Variants in GALNT13 observed in about 807,000 individuals in gnomAD.
GALNT13 encodes the protein UDP-GalNAc:polypeptide N-acetylgalactosaminyltransferase 13.
GALNT13 carries 28 observed loss-of-function variants against 64.2 expected under a neutral mutation model. The observed-to-expected ratio is 0.44, with a 90% CI of 0.32 to 0.60. GALNT13 has a LOEUF of 0.60. GALNT13 is among the 20% of genes least tolerant of loss of function. GALNT13 has a pLI of 0.05. For missense variants in GALNT13, 577 were observed against 669.8 expected, an observed-to-expected ratio of 0.86 and a Z score of 1.53; for synonymous variants, 214 against 224.6, an observed-to-expected ratio of 0.95 and a Z score of 0.42.
the GALNT13 span, among the ~76,000 whole-genome samples, chr2:153,249,523 C>A: frequency 6.6e-6 from 1 of 152,162 alleles, no homozygotes; most frequent in East Asian, 1.9e-4. Flanking sequence ...TTAGAAAAAA[C>A]TACTTTAAAT....
At chr2:153,516,449 G>T in the GALNT13 span, among the ~76,000 whole-genome samples, 1 of 152,154 alleles carries the variant, frequency 6.6e-6, no homozygotes, top group African/African-American at 2.4e-5. Context: ...GTTAGATTTT[G>T]ATAGGAATAA....
chr2:154,132,947 A>C (rs988772515), intron 3 of GALNT13, among the ~76,000 whole-genome samples: 1 of 152,062 alleles, frequency 6.6e-6, no homozygotes, highest in South Asian at 2.1e-4. Flanking sequence ...AAATCTATAT[A>C]TGTTTTAGAA....
the GALNT13 span, among the ~76,000 whole-genome samples, chr2:153,280,385 G>A: frequency 1.3e-5 from 2 of 152,006 alleles, no homozygotes; most frequent in African/African-American, 4.8e-5. Context: ...TCTGGTTTTA[G>A]TTATTTCTTT....
the GALNT13 span, among the ~76,000 whole-genome samples, chr2:153,469,798 T>C: frequency 6.6e-6 from 1 of 152,194 alleles, no homozygotes; most frequent in Non-Finnish European, 1.5e-5. Flanking sequence ...CTTTTTAACA[T>C]AAAATTTACC....
the GALNT13 span, among the ~76,000 whole-genome samples, chr2:153,541,245 C>T: frequency 6.6e-6 from 1 of 152,144 alleles, no homozygotes; most frequent in East Asian, 1.9e-4. Flanking sequence ...CTCTGCACTT[C>T]TCCTTCCTGC....
At chr2:153,608,718 A>G in the GALNT13 span, among the ~76,000 whole-genome samples, 1 of 147,824 alleles carries the variant, frequency 6.8e-6, no homozygotes, top group African/African-American at 2.5e-5. Context: ...ATAAATATGT[A>G]AATATATGTA....
At chr2:154,045,305 G>T (rs578012023) in intron 3 of GALNT13, among the ~76,000 whole-genome samples, 1 of 152,278 alleles carries the variant, frequency 6.6e-6, no homozygotes. Flanking sequence ...TGGTTACTGT[G>T]GTTGGAAGAT....
chr2:153,097,018 A>G, the GALNT13 span, among the ~76,000 whole-genome samples: 3 of 151,082 alleles, frequency 2.0e-5, no homozygotes, highest in Non-Finnish European at 4.4e-5. Context: ...TTTGCTTTTT[A>G]TCTGTTGTGT....
At chr2:153,770,484 C>T in the GALNT13 span, among the ~76,000 whole-genome samples, 1 of 152,198 alleles carries the variant, frequency 6.6e-6, no homozygotes, top group African/African-American at 2.4e-5. Context: ...GGAAGCTTAT[C>T]TTGCTACCCA....
chr2:153,729,465 G>A, the GALNT13 span, among the ~76,000 whole-genome samples: 1 of 151,968 alleles, frequency 6.6e-6, no homozygotes, highest in Non-Finnish European at 1.5e-5. Context: ...AGAAATACTT[G>A]CCTATTCCAT....
chr2:154,378,505 T>C (rs1698105681), intron 9 of GALNT13, among the ~76,000 whole-genome samples: 1 of 152,168 alleles, frequency 6.6e-6, no homozygotes, highest in South Asian at 2.1e-4. Context: ...AGTTTACACA[T>C]GCACAGAATT....
At chr2:154,296,592 A>G (rs1160357115) in intron 8 of GALNT13, among the ~76,000 whole-genome samples, 1 of 152,136 alleles carries the variant, frequency 6.6e-6, no homozygotes, top group Non-Finnish European at 1.5e-5. Flanking sequence ...AAATTGGAGC[A>G]CCTTTCCTGG....
At chr2:153,606,684 C>T in the GALNT13 span, among the ~76,000 whole-genome samples, 1 of 151,926 alleles carries the variant, frequency 6.6e-6, no homozygotes, top group African/African-American at 2.4e-5. Flanking sequence ...AATGAATTTC[C>T]CATTTTGAAA....
chr2:154,170,763 T>G (rs67410380), intron 4 of GALNT13, among the ~76,000 whole-genome samples: 7,930 of 152,276 alleles, frequency 0.052, 289 homozygotes, highest in South Asian at 0.11. Flanking sequence ...ATATTTTCCT[T>G]GTGATGGCAT....
chr2:153,996,740 T>G (rs770736485), intron 3 of GALNT13, among the ~76,000 whole-genome samples: 1 of 152,202 alleles, frequency 6.6e-6, no homozygotes, highest in Non-Finnish European at 1.5e-5. Flanking sequence ...TGAAAAATTC[T>G]TCTTGAATCA....
At chr2:153,904,538 C>G (rs367623329) in intron 2 of GALNT13, among the ~76,000 whole-genome samples, 1 of 151,696 alleles carries the variant, frequency 6.6e-6, no homozygotes, top group South Asian at 2.1e-4. Context: ...GTTTGGTTTA[C>G]ATTTTCTTGT....
the GALNT13 span, among the ~76,000 whole-genome samples, chr2:153,223,510 AG>A: frequency 6.6e-6 from 1 of 152,224 alleles, no homozygotes; most frequent in African/African-American, 2.4e-5. Context: ...ATTAAACTAG[AG>A]AACAATGAAC....
intron 3 of GALNT13, among the ~76,000 whole-genome samples, chr2:154,049,934 C>A (rs916553968): frequency 2.6e-5 from 4 of 152,032 alleles, no homozygotes; most frequent in East Asian, 3.9e-4. Context: ...ACCAGCAAGT[C>A]CTTCCAAAAT....
At chr2:154,128,973 C>A (rs929753881) in intron 3 of GALNT13, among the ~76,000 whole-genome samples, 1 of 152,086 alleles carries the variant, frequency 6.6e-6, no homozygotes, top group Non-Finnish European at 1.5e-5. Flanking sequence ...TGGGCTTCCT[C>A]TCAGAATTAC....
Sources: gnomAD v4.1 joint callset for allele counts (sites outside exome capture counted in the v4.1 genomes callset) on GRCh38, gnomAD v4.1.1 for gene constraint, MANE v1.5 for transcripts, NCBI Gene and HGNC (gene_info 2026-07-23, HGNC 2026-07-21) for gene names.